Variants in KCNIP1 observed in about 807,000 individuals in gnomAD.
KCNIP1 encodes the protein potassium voltage-gated channel interacting protein 1.
Under a neutral mutation model 33.0 loss-of-function variants are expected in KCNIP1, and 18 were observed. The observed-to-expected ratio is 0.55, with a 90% CI of 0.38 to 0.81. KCNIP1 has a LOEUF of 0.81. KCNIP1 is among the 30% of genes least tolerant of loss of function. KCNIP1 has a pLI of 0.00. For missense variants in KCNIP1, 238 were observed against 271.6 expected (o/e 0.88, Z 0.87); for synonymous variants, 93 against 98.3 (o/e 0.95, Z 0.32).
At chr5:170,665,957 G>T (rs1457681290) in intron 1 of KCNIP1, among the ~76,000 whole-genome samples, 1 of 152,138 alleles carries the variant, frequency 6.6e-6, no homozygotes, top group Non-Finnish European at 1.5e-5. Flanking sequence ...CACTGCTGAT[G>T]GTGACCTCGA....
chr5:170,719,426 C>T (rs879680762), intron 2 of KCNIP1, among the ~76,000 whole-genome samples: 4 of 152,230 alleles, frequency 2.6e-5, no homozygotes, highest in Admixed American at 2.6e-4. Flanking sequence ...TTAGTTGTTA[C>T]TTTAAATACA....
chr5:170,694,479 C>G (rs949623019), intron 1 of KCNIP1, among the ~76,000 whole-genome samples: 6 of 152,142 alleles, frequency 3.9e-5, no homozygotes, highest in Non-Finnish European at 8.8e-5. Flanking sequence ...AGGAGATGGT[C>G]TCTGTCACCC....
At chr5:170,706,699 C>A (rs951294019) in intron 1 of KCNIP1, among the ~76,000 whole-genome samples, 1 of 152,176 alleles carries the variant, frequency 6.6e-6, no homozygotes, top group Non-Finnish European at 1.5e-5. Context: ...ATTCTTGTGG[C>A]AATTTTACTT....
chr5:170,660,585 C>T (rs1181677342), intron 1 of KCNIP1, among the ~76,000 whole-genome samples: 2 of 152,204 alleles, frequency 1.3e-5, no homozygotes, highest in Non-Finnish European at 2.9e-5. Context: ...TCCCATGTTC[C>T]TGTCTCACCC....
chr5:170,631,616 G>A (rs1421253462), intron 1 of KCNIP1, among the ~76,000 whole-genome samples: 3 of 152,224 alleles, frequency 2.0e-5, no homozygotes, highest in Non-Finnish European at 4.4e-5. Flanking sequence ...CCAGGCCCCA[G>A]ACTGCTGGCT....
At chr5:170,486,123 T>C (rs1581235040) in intron 1 of KCNIP1, 1 of 152,172 alleles carries the variant, frequency 6.6e-6, no homozygotes, top group Admixed American at 6.6e-5. Flanking sequence ...GCGTGTTGAC[T>C]AAGGTCACAC....
intron 1 of KCNIP1, among the ~76,000 whole-genome samples, chr5:170,419,171 A>G (rs1755412636): frequency 6.6e-6 from 1 of 152,240 alleles, no homozygotes. Flanking sequence ...GTCAGTGTCC[A>G]GTGCTGACCT....
intron 1 of KCNIP1, among the ~76,000 whole-genome samples, chr5:170,491,173 G>A (rs1757196381): frequency 6.6e-6 from 1 of 152,170 alleles, no homozygotes; most frequent in African/African-American, 2.4e-5. Flanking sequence ...CAGAGAAAAT[G>A]TTATCTTGGT....
rs1756409017 is a variant in KCNIP1 at position 170,457,410 on chromosome 5, C to T, written c.88+103446C>T. On this transcript the variant is annotated intron_variant, in intron 1 of 7. Coordinates refer to the KCNIP1 transcript ENST00000377360. ...ATAAATTAGGAGAGCCAAGAGAACCCACAGACCCTCTGAAGGAAGTGGATT... is the reference window on the plus strand; with the variant it reads ...ATAAATTAGGAGAGCCAAGAGAACCTACAGACCCTCTGAAGGAAGTGGATT... Among the ~76,000 whole-genome samples the T allele has an allele frequency of 2.0e-5, 3 of 152,282 alleles. No homozygotes were observed. The Middle Eastern group carries it at 0.01, about 518-fold the overall frequency.
At chr5:170,560,288 C>T (rs1214523461) in intron 1 of KCNIP1, among the ~76,000 whole-genome samples, 1 of 152,150 alleles carries the variant, frequency 6.6e-6, no homozygotes, top group Admixed American at 6.5e-5. Context: ...GACGTACATG[C>T]CCAGCACCTG....
intron 1 of KCNIP1, among the ~76,000 whole-genome samples, chr5:170,429,608 C>G (rs1755696448): frequency 6.6e-6 from 1 of 152,136 alleles, no homozygotes; most frequent in African/African-American, 2.4e-5. Flanking sequence ...TCATCATCCA[C>G]TCCTCCCCCA....
chr5:170,671,672 T>A (rs1003608145), intron 1 of KCNIP1, among the ~76,000 whole-genome samples: 2 of 152,250 alleles, frequency 1.3e-5, no homozygotes, highest in African/African-American at 4.8e-5. Flanking sequence ...AATCATTGTA[T>A]CCCTAGTGCT....
chr5:170,395,636 A>G (rs1414270317), intron 1 of KCNIP1, among the ~76,000 whole-genome samples: 1 of 152,212 alleles, frequency 6.6e-6, no homozygotes, highest in Non-Finnish European at 1.5e-5. Context: ...GGGGACCAGA[A>G]CAGGTGGATA....
intron 1 of KCNIP1, among the ~76,000 whole-genome samples, chr5:170,530,989 T>C (rs1201253274): frequency 1.3e-5 from 2 of 152,206 alleles, no homozygotes; most frequent in Non-Finnish European, 2.9e-5. Context: ...TTGACCCTCT[T>C]CGAGATTCTC....
chr5:170,418,509 C>T (rs1755392640), intron 1 of KCNIP1, among the ~76,000 whole-genome samples: 1 of 152,216 alleles, frequency 6.6e-6, no homozygotes, highest in East Asian at 1.9e-4. Context: ...GTTCCCTTGG[C>T]TCCCTGCTTC....
At chr5:170,732,494 A>G (rs917129833) in intron 5 of KCNIP1, among the ~76,000 whole-genome samples, 1 of 152,118 alleles carries the variant, frequency 6.6e-6, no homozygotes, top group Non-Finnish European at 1.5e-5. Flanking sequence ...ATAGTATTTT[A>G]TTTGCCTCAA....
chr5:170,392,807 G>C (rs1354503485), intron 1 of KCNIP1, among the ~76,000 whole-genome samples: 1 of 152,172 alleles, frequency 6.6e-6, no homozygotes, highest in Non-Finnish European at 1.5e-5. Flanking sequence ...CTGGGCGACA[G>C]AGTGAGACTC....
intron 1 of KCNIP1, among the ~76,000 whole-genome samples, chr5:170,579,512 T>TA: frequency 6.6e-6 from 1 of 152,160 alleles, no homozygotes; most frequent in East Asian, 1.9e-4. Context: ...TCTCACCAGT[T>TA]ACCAGTGATC....
Position 170,464,223 on chromosome 5 carries a change from TA to T in KCNIP1, c.88+110262del, listed in dbSNP as rs551776970. ...GTTAAGATGGCAATACTTAATATTATAAAGTGATTTACAAATTGATTTATAG... is the reference window on the plus strand; with the variant it reads ...GTTAAGATGGCAATACTTAATATTATAAGTGATTTACAAATTGATTTATAG... On this transcript the variant is annotated intron_variant, in intron 1 of 7. Transcript: ENST00000377360. Among the ~76,000 whole-genome samples, 239 of 152,342 alleles carry T rather than the reference TA, an allele frequency of 1.6e-3. 1 individual carries two copies. The highest frequency in any genetic ancestry group is 5.5e-3 in the African/African-American group (229 of 41,592).
Sources: allele counts gnomAD v4.1 joint callset (sites outside exome capture counted in the v4.1 genomes callset), GRCh38; gene constraint gnomAD v4.1.1; transcripts MANE v1.5; gene names NCBI Gene and HGNC (gene_info 2026-07-23, HGNC 2026-07-21).